Variants in SCAMP1 observed in about 807,000 individuals in gnomAD.
The protein encoded by SCAMP1 is secretory carrier membrane protein 1.
A neutral mutation model predicts 41.8 loss-of-function variants in SCAMP1; 15 were observed. The observed-to-expected ratio is 0.36, with a 90% confidence interval of 0.24 to 0.55. SCAMP1 has a LOEUF of 0.55. Ranked by LOEUF, SCAMP1 falls within the 20% of genes least tolerant of loss-of-function variation. The pLI, the probability that SCAMP1 is intolerant of heterozygous loss-of-function variation, is 0.86. For missense variants in SCAMP1, 341 were observed against 412.6 expected (o/e 0.83, Z 1.50); for synonymous variants, 135 against 136.8 (o/e 0.99, Z 0.09).
At chr5:78,374,796 A>C (rs978900047) in intron 1 of SCAMP1, among the ~76,000 whole-genome samples, 2 of 152,138 alleles carry the variant, frequency 1.3e-5, no homozygotes, top group African/African-American at 4.8e-5. Context: ...CTATAAACAT[A>C]AGTGAGTTTC....
chr5:78,367,057 T>G (rs1750815903), intron 1 of SCAMP1, among the ~76,000 whole-genome samples: 1 of 152,260 alleles, frequency 6.6e-6, no homozygotes, highest in African/African-American at 2.4e-5. Context: ...CTTTTAACAT[T>G]AATCTGGAAC....
At chr5:78,460,530 G>A (rs1753557742) in intron 8 of SCAMP1, among the ~76,000 whole-genome samples, 1 of 151,732 alleles carries the variant, frequency 6.6e-6, no homozygotes, top group East Asian at 1.9e-4. Context: ...CCATTTGTTG[G>A]CTGCTTGTAT....
chr5:78,465,934 A>G (rs1247868174), intron 8 of SCAMP1, among the ~76,000 whole-genome samples: 1 of 152,228 alleles, frequency 6.6e-6, no homozygotes, highest in African/African-American at 2.4e-5. Flanking sequence ...CACTCTTCTT[A>G]AAGTCAACTG....
intron 1 of SCAMP1, among the ~76,000 whole-genome samples, chr5:78,363,837 T>A (rs1340879431): frequency 2.6e-5 from 4 of 152,232 alleles, no homozygotes; most frequent in Non-Finnish European, 5.9e-5. Flanking sequence ...GCCCCTGCTT[T>A]ATATTCTAGT....
At chr5:78,373,301 A>G (rs529515846) in intron 1 of SCAMP1, among the ~76,000 whole-genome samples, 1 of 152,202 alleles carries the variant, frequency 6.6e-6, no homozygotes, top group Non-Finnish European at 1.5e-5. Context: ...AAATGTTTAT[A>G]TTAAATAGAA....
chr5:78,414,956 CTTTT>C (rs11318423), intron 2 of SCAMP1, among the ~76,000 whole-genome samples: 1 of 139,172 alleles, frequency 7.2e-6, no homozygotes, highest in Non-Finnish European at 1.6e-5. Context: ...CTCAAAAGTT[CTTTT>C]TTTTTTTTTT....
At chr5:78,447,033 G>T (rs1026093559) in intron 6 of SCAMP1, among the ~76,000 whole-genome samples, 4 of 152,202 alleles carry the variant, frequency 2.6e-5, no homozygotes, top group Non-Finnish European at 5.9e-5. Context: ...ATCAACAGTG[G>T]CATTAGATTC....
intron 1 of SCAMP1, among the ~76,000 whole-genome samples, chr5:78,372,875 A>G (rs1221355310): frequency 6.6e-6 from 1 of 152,118 alleles, no homozygotes; most frequent in Non-Finnish European, 1.5e-5. Flanking sequence ...GCAACAAAAG[A>G]TAATCTTGCA....
At chr5:78,379,194 G>C (rs1751138402) in intron 1 of SCAMP1, among the ~76,000 whole-genome samples, 1 of 152,152 alleles carries the variant, frequency 6.6e-6, no homozygotes, top group Non-Finnish European at 1.5e-5. Context: ...TAAGGCCACA[G>C]CTTCTTTCTC....
At chr5:78,445,628 CT>C (rs1753035276) in intron 6 of SCAMP1, among the ~76,000 whole-genome samples, 1 of 151,848 alleles carries the variant, frequency 6.6e-6, no homozygotes, top group African/African-American at 2.4e-5. Flanking sequence ...TCTTCTTCCC[CT>C]GATGATGTAT....
Position 78,450,033 on chromosome 5 carries a change from T to A in SCAMP1, c.733T>A (p.Cys245Ser). The change falls in exon 7 of 9, where the codon TGT (cysteine) becomes AGT (serine). Residue 245 changes from cysteine to serine, a missense_variant and splice_region_variant. Coordinates refer to ENST00000621999, the MANE Select transcript of SCAMP1 (RefSeq NM_004866.6). ...TGCAGGATTTCATAACTGGGGCAAT[T>A]GGTAAGTTTTTTTTTTTACTAGTTT... ...QAAGFHNWGN[C>S]GWISSLTGLN... 1.3e-6 allele frequency: 2 copies of A among 1,529,858 alleles called. No homozygotes were observed. The highest frequency in any genetic ancestry group is 1.8e-6 in the Non-Finnish European group (2 of 1,130,336). 94.8% of individuals were successfully genotyped at this position (1,529,858 alleles called of 1,614,324 possible). A position where few individuals can be genotyped will look rare whatever the true frequency, so the allele number is the denominator to read the frequency against.
At chr5:78,384,222 T>C (rs1440455562) in intron 1 of SCAMP1, among the ~76,000 whole-genome samples, 1 of 149,402 alleles carries the variant, frequency 6.7e-6, no homozygotes, top group Non-Finnish European at 1.5e-5. Context: ...GTGGAGTTCT[T>C]GATTTGATTC....
chr5:78,389,022 G>C, intron 2 of SCAMP1, 108 bp downstream of exon 2: 1 of 555,080 alleles, frequency 1.8e-6, no homozygotes, highest in Non-Finnish European at 3.1e-6. Context: ...AAAACAAATT[G>C]TTAATGTTTT....
chr5:78,399,327 T>G (rs991884276), intron 2 of SCAMP1, among the ~76,000 whole-genome samples: 1 of 152,208 alleles, frequency 6.6e-6, no homozygotes, highest in African/African-American at 2.4e-5. Flanking sequence ...TTCCTTTGGA[T>G]AAATACCAAG....
intron 1 of SCAMP1, among the ~76,000 whole-genome samples, chr5:78,387,108 T>G (rs1751360656): frequency 6.6e-6 from 1 of 152,206 alleles, no homozygotes; most frequent in Non-Finnish European, 1.5e-5. Context: ...GTTTGGTTGT[T>G]AAACATAATC....
At chr5:78,378,691 A>T (rs1455662292) in intron 1 of SCAMP1, among the ~76,000 whole-genome samples, 1 of 152,232 alleles carries the variant, frequency 6.6e-6, no homozygotes, top group Non-Finnish European at 1.5e-5. Context: ...GCCTTGGCTT[A>T]ACTAATGATG....
intron 4 of SCAMP1, among the ~76,000 whole-genome samples, chr5:78,418,105 A>T (rs938366343): frequency 1.3e-5 from 2 of 151,250 alleles, no homozygotes. Flanking sequence ...TTTTCCCTTT[A>T]CAGTTTGAAT....
intron 6 of SCAMP1, among the ~76,000 whole-genome samples, chr5:78,428,147 C>T (rs1365411899): frequency 6.6e-6 from 1 of 151,964 alleles, no homozygotes; most frequent in Non-Finnish European, 1.5e-5. Flanking sequence ...TATATTTTCT[C>T]CTAGAAGTTT....
intron 6 of SCAMP1, among the ~76,000 whole-genome samples, chr5:78,426,890 A>G (rs1752483343): frequency 6.6e-6 from 1 of 152,214 alleles, no homozygotes; most frequent in Non-Finnish European, 1.5e-5. Context: ...AGAATGTGTT[A>G]GTAATTCATT....
Sources: gnomAD v4.1 joint callset for allele counts (sites outside exome capture counted in the v4.1 genomes callset) on GRCh38, gnomAD v4.1.1 for gene constraint, MANE v1.5 for transcripts, NCBI Gene and HGNC (gene_info 2026-07-23, HGNC 2026-07-21) for gene names.